EPHA6: variants seen among roughly 807,000 people sequenced by gnomAD.
EPHA6 encodes EPH receptor A6.
A neutral mutation model predicts 112.0 loss-of-function variants in EPHA6; 50 were observed. The ratio of observed to expected loss-of-function variants is 0.45; its 90% confidence interval spans 0.36 to 0.56. EPHA6 has a LOEUF of 0.56. Among genes scored for constraint, EPHA6 ranks in the 20% least tolerant of loss-of-function variants. EPHA6 has a pLI of 0.00. For synonymous variants in EPHA6, 529 were observed against 490.7 expected, an observed-to-expected ratio of 1.08 and a Z score of -1.03; for missense variants, 1,280 against 1,417.4, an observed-to-expected ratio of 0.90 and a Z score of 1.56.
At chr3:96,946,416 C>G (rs146379559) in intron 2 of EPHA6, among the ~76,000 whole-genome samples, 2 of 149,446 alleles carry the variant, frequency 1.3e-5, no homozygotes, top group Admixed American at 6.7e-5. Context: ...TGAGTGAGAA[C>G]ATGCGGTGTT....
intron 5 of EPHA6, among the ~76,000 whole-genome samples, chr3:97,343,182 T>C (rs1474949273): frequency 6.6e-6 from 1 of 152,184 alleles, no homozygotes; most frequent in Non-Finnish European, 1.5e-5. Flanking sequence ...TGAAATATGG[T>C]TGTCAGAAGC....
At chr3:97,280,067 G>A (rs981188107) in intron 5 of EPHA6, among the ~76,000 whole-genome samples, 4 of 152,122 alleles carry the variant, frequency 2.6e-5, no homozygotes, top group Admixed American at 1.3e-4. Context: ...CATATTTTTA[G>A]TAGAGACAGA....
chr3:97,367,645 C>T (rs1002462436), intron 5 of EPHA6, among the ~76,000 whole-genome samples: 3 of 151,896 alleles, frequency 2.0e-5, no homozygotes, highest in Non-Finnish European at 4.4e-5. Flanking sequence ...CTCACACCTT[C>T]GTAACCTGCC....
chr3:96,898,482 T>G (rs2107563279), intron 2 of EPHA6, among the ~76,000 whole-genome samples: 1 of 152,276 alleles, frequency 6.6e-6, no homozygotes, highest in South Asian at 2.1e-4. Flanking sequence ...GGAGTCAAAA[T>G]TATCATTCAA....
intron 10 of EPHA6, among the ~76,000 whole-genome samples, chr3:97,525,857 T>A (rs1432868315): frequency 2.0e-5 from 3 of 152,150 alleles, no homozygotes; most frequent in Non-Finnish European, 4.4e-5. Context: ...TCTGGGATGA[T>A]GAAGGTCTGC....
intron 2 of EPHA6, among the ~76,000 whole-genome samples, chr3:96,937,042 C>T (rs1369134532): frequency 6.6e-6 from 1 of 152,146 alleles, no homozygotes; most frequent in Non-Finnish European, 1.5e-5. Flanking sequence ...CAAGTCTTTG[C>T]TATTGTGAAT....
intron 3 of EPHA6, among the ~76,000 whole-genome samples, chr3:97,009,763 A>C (rs1175603096): frequency 6.6e-6 from 1 of 152,298 alleles, no homozygotes; most frequent in East Asian, 1.9e-4. Flanking sequence ...CATGGGTTGC[A>C]CAGTTCCACA....
chr3:96,902,965 A>G (rs1418607823), intron 2 of EPHA6, among the ~76,000 whole-genome samples: 3 of 152,212 alleles, frequency 2.0e-5, no homozygotes, highest in Non-Finnish European at 1.5e-5. Context: ...CACTTTAGCA[A>G]TGAGCAAGAA....
intron 1 of EPHA6, among the ~76,000 whole-genome samples, chr3:96,847,172 A>G (rs996301552): frequency 2.0e-5 from 3 of 152,030 alleles, no homozygotes; most frequent in Non-Finnish European, 4.4e-5. Context: ...TTTATATTTA[A>G]TAAGACAACA....
intron 5 of EPHA6, among the ~76,000 whole-genome samples, chr3:97,316,657 C>T (rs965084788): frequency 6.6e-6 from 1 of 151,890 alleles, no homozygotes; most frequent in East Asian, 1.9e-4. Context: ...TCTTTACTTA[C>T]ATCAGAACTA....
Position 97,755,638 on chromosome 3 carries a change from A to C in EPHA6, c.*6937A>C, listed in dbSNP as rs562514069. Among the ~76,000 whole-genome samples, 1 of 152,260 alleles carries C rather than the reference A, an allele frequency of 6.6e-6. No individual in the cohort carries two copies. Among genetic ancestry groups the C allele is most frequent in the Admixed American group, 6.5e-5 (1 of 15,306 alleles). ...CATTATTATAGAAAAAATTCCAAGG[A>C]TATAAGAATCATTTTTCATATATTC... On this transcript the variant is annotated 3_prime_UTR_variant, in exon 18 of 18. Transcript: ENST00000389672.
At chr3:97,074,971 G>A (rs960052131) in intron 3 of EPHA6, among the ~76,000 whole-genome samples, 14 of 152,050 alleles carry the variant, frequency 9.2e-5, no homozygotes, top group Admixed American at 4.6e-4. Context: ...CAATGGTACC[G>A]TGTTATCAGA....
intron 2 of EPHA6, among the ~76,000 whole-genome samples, chr3:96,925,388 C>G (rs2039980496): frequency 6.6e-6 from 1 of 151,992 alleles, no homozygotes; most frequent in Non-Finnish European, 1.5e-5. Flanking sequence ...GTGTATGTGT[C>G]CAGAATTTAT....
chr3:97,599,850 C>G (rs1392317282), intron 12 of EPHA6, among the ~76,000 whole-genome samples: 1 of 152,132 alleles, frequency 6.6e-6, no homozygotes, highest in East Asian at 1.9e-4. Flanking sequence ...CTGTAAATTA[C>G]CTTGAGCAGT....
rs558539486 is a variant in EPHA6 at position 97,579,614 on chromosome 3, C to A, written c.2387-12998C>A. Among the ~76,000 whole-genome samples, 9 of 152,308 alleles carry A rather than the reference C, an allele frequency of 5.9e-5. No individual in the cohort carries two copies. The South Asian group carries it at 8.3e-4, about 14-fold the overall frequency. ...GGTGATTCATATGACTCAGTATTTACCCACAGCCTCAGACAATAAGACTGC... is the reference window on the plus strand; with the variant it reads ...GGTGATTCATATGACTCAGTATTTAACCACAGCCTCAGACAATAAGACTGC... On this transcript the variant is annotated intron_variant, in intron 11 of 17. Coordinates refer to ENST00000389672, the MANE Select transcript of EPHA6 (RefSeq NM_001080448.3).
intron 2 of EPHA6, among the ~76,000 whole-genome samples, chr3:96,983,645 T>A: frequency 6.6e-6 from 1 of 152,212 alleles, no homozygotes; most frequent in East Asian, 1.9e-4. Context: ...TCCTGCAGAG[T>A]GTTTTCCAAC....
intron 3 of EPHA6, among the ~76,000 whole-genome samples, chr3:97,061,634 G>A (rs2046024340): frequency 6.6e-6 from 1 of 152,122 alleles, no homozygotes; most frequent in Non-Finnish European, 1.5e-5. Flanking sequence ...GGGATGAGAA[G>A]GTAAAAAGAA....
chr3:97,060,856 G>A (rs375344629), intron 3 of EPHA6, among the ~76,000 whole-genome samples: 4 of 146,012 alleles, frequency 2.7e-5, no homozygotes, highest in South Asian at 2.1e-4. Flanking sequence ...CCCGGGAGGC[G>A]GAGCTTACAG....
chr3:97,484,124 C>A, intron 10 of EPHA6, 65 bp downstream of exon 10: 3 of 1,461,208 alleles, frequency 2.1e-6, no homozygotes, highest in Middle Eastern at 1.8e-4. Flanking sequence ...GGTTTATCAA[C>A]ATACTATCTT....
Sources: allele counts gnomAD v4.1 joint callset (sites outside exome capture counted in the v4.1 genomes callset), GRCh38; gene constraint gnomAD v4.1.1; transcripts MANE v1.5; gene names NCBI Gene and HGNC (gene_info 2026-07-23, HGNC 2026-07-21).